Variants in UBN2 observed in about 807,000 individuals in gnomAD.
The protein encoded by UBN2 is ubinuclein-2.
A neutral mutation model predicts 120.2 loss-of-function variants in UBN2; 35 were observed. The ratio of observed to expected loss-of-function variants is 0.29; its 90% CI spans 0.22 to 0.39. The LOEUF is 0.39. Ranked by LOEUF, UBN2 falls within the 10% of genes least tolerant of loss-of-function variation. The pLI, the probability that UBN2 is intolerant of heterozygous loss-of-function variation, is 1.00. For missense variants in UBN2, 1,693 were observed against 1,663.2 expected (o/e 1.02, Z -0.31); for synonymous variants, 661 against 648.7 (o/e 1.02, Z -0.29).
At chr7:139,312,372 C>T (rs1798459630), downstream of UBN2, among the ~76,000 whole-genome samples, 1 of 152,198 alleles carries the variant, frequency 6.6e-6, no homozygotes, top group Admixed American at 6.5e-5. Context: ...TAGGGTGTTG[C>T]TTCTTACTGC....
chr7:139,269,427 C>T lies in UBN2; in HGVS notation c.1500C>T (p.Val500=). Residue 500 remains valine, a synonymous_variant, in exon 8 of 18, where the codon GTC becomes GTT. Transcript: ENST00000473989. ...IELQLQELGP[V]IRSGVYSHLE... ...TACAGCTACAAGAACTAGGCCCTGT[C>T]ATTCGCAGTGGTGTCTACTCCCACC... is the stretch of plus-strand genomic sequence containing the variant. 6.2e-7 allele frequency: 1 copy of T among 1,614,094 alleles called. No individual in the cohort carries two copies. Among genetic ancestry groups the T allele is most frequent in the Non-Finnish European group, 8.5e-7 (1 of 1,180,006 alleles).
chr7:139,310,592 G>T (rs1029466365), downstream of UBN2, among the ~76,000 whole-genome samples: 1 of 152,122 alleles, frequency 6.6e-6, no homozygotes, highest in Non-Finnish European at 1.5e-5. Flanking sequence ...CCAACATGGT[G>T]AAACCCCGTC....
chr7:139,261,438 A>G lies in UBN2; in HGVS notation c.1092A>G (p.Ala364=), dbSNP rs1275881338. ...SLNKPPCAAA[A]LGNDVPDLNL... is the part of the protein sequence containing the mutation. ...ATAAACCCCCATGTGCTGCTGCAGC[A>G]CTGGGGAATGACGTCCCGGACTTAA... Residue 364 remains alanine, a synonymous_variant, in exon 6 of 18, where the codon GCA becomes GCG. Transcript: ENST00000473989. 1 of 1,614,252 alleles carries G rather than the reference A, an allele frequency of 6.2e-7. No individual in the cohort carries two copies. The highest frequency in any genetic ancestry group is 1.7e-5 in the Admixed American group (1 of 60,036).
chr7:139,291,954 A>G (rs1297736913), intron 15 of UBN2, among the ~76,000 whole-genome samples: 1 of 152,198 alleles, frequency 6.6e-6, no homozygotes, highest in African/African-American at 2.4e-5. Context: ...TAAACTAGCT[A>G]TAGGAATGTA....
At chr7:139,259,617 T>A (rs1466486830) in intron 5 of UBN2, among the ~76,000 whole-genome samples, 2 of 152,204 alleles carry the variant, frequency 1.3e-5, no homozygotes, top group Middle Eastern at 3.2e-3. Context: ...AAGAACCAGT[T>A]TGAAAAGATA....
rs1304361421 is a variant in UBN2 at position 139,231,803 on chromosome 7, C to T, written c.319C>T (p.Pro107Ser). 3 of 1,427,812 alleles carry T rather than the reference C, an allele frequency of 2.1e-6. No homozygotes were observed. The highest frequency in any genetic ancestry group is 2.8e-5 in the South Asian group (2 of 71,062). The allele number at this position is 1,427,812 out of a possible 1,614,324, so 88.4% of individuals were successfully genotyped here. A position where few individuals can be genotyped will look rare whatever the true frequency, so the allele number is the denominator to read the frequency against. Residue 107 changes from proline (P) to serine (S), a missense_variant, in exon 1 of 18, where the codon CCC becomes TCC. Around this residue, in one of 5 missense-constraint regions of UBN2, gnomAD observed 663 missense variants for 591.2 expected, o/e 1.12. Transcript: ENST00000473989. ...PPFPPLPLQP[P>S]PPRESASRAE... ...GTTCCCGCCGCTGCCCTTGCAGCCG[C>T]CCCCGCCGCGGGAGTCGGCTTCCCG...
chr7:139,326,061 G>C, the UBN2 span, among the ~76,000 whole-genome samples: 1 of 148,008 alleles, frequency 6.8e-6, no homozygotes, highest in African/African-American at 2.6e-5. Flanking sequence ...TCGATGACCA[G>C]CCTGGTCAAC....
intron 1 of UBN2, among the ~76,000 whole-genome samples, chr7:139,233,936 A>G (rs1184351950): frequency 6.6e-6 from 1 of 152,090 alleles, no homozygotes; most frequent in African/African-American, 2.4e-5. Context: ...TATCTCGTAT[A>G]TCAACCTTCT....
chr7:139,238,999 G>C (rs940385912), intron 2 of UBN2, among the ~76,000 whole-genome samples: 3 of 152,052 alleles, frequency 2.0e-5, no homozygotes, highest in Non-Finnish European at 4.4e-5. Context: ...TTATACATTG[G>C]TTACACTTAA....
Position 139,284,026 on chromosome 7 carries a change from G to C in UBN2, c.3121G>C (p.Ala1041Pro). 6.2e-7 allele frequency: 1 copy of C among 1,613,904 alleles called. No homozygotes were observed. Among genetic ancestry groups the C allele is most frequent in the South Asian group, 1.1e-5 (1 of 91,052 alleles). ...GATGGCTGCCTCCCCAAAACTTGCC[G>C]CATCTCCCAAGCCTGCCACATCTCC... ...FSMAASPKLAASPKPATSPKP... is the reference protein window; with the variant it reads ...FSMAASPKLAPSPKPATSPKP... Residue 1041 changes from alanine to proline, a missense_variant, in exon 15 of 18, where the codon GCA becomes CCA. This residue lies in a region of UBN2 where 837 missense variants were observed against 817.6 expected (regional missense o/e 1.02). Coordinates refer to ENST00000473989, the MANE Select transcript of UBN2 (RefSeq NM_173569.4).
At chr7:139,310,859 C>T (rs1193080170), downstream of UBN2, among the ~76,000 whole-genome samples, 1 of 152,210 alleles carries the variant, frequency 6.6e-6, no homozygotes, top group Non-Finnish European at 1.5e-5. Flanking sequence ...CACATCAGCA[C>T]ATAGAGGTCT....
downstream of UBN2, among the ~76,000 whole-genome samples, chr7:139,310,599 C>T (rs958641790): frequency 3.3e-5 from 5 of 152,082 alleles, no homozygotes; most frequent in African/African-American, 7.2e-5. Context: ...GGTGAAACCC[C>T]GTCTCTACCA....
intron 16 of UBN2, 107 bp from the exon 17 acceptor site, chr7:139,293,782 T>C (rs751954559): frequency 9.7e-7 from 1 of 1,035,566 alleles, no homozygotes; most frequent in Non-Finnish European, 1.5e-6. Context: ...TAGAAGGCCT[T>C]CGAAGTCAGG....
the UBN2 span, among the ~76,000 whole-genome samples, chr7:139,328,230 C>G: frequency 6.6e-6 from 1 of 152,200 alleles, no homozygotes; most frequent in Admixed American, 6.5e-5. Flanking sequence ...AACTTACAAT[C>G]ATGATGGAAG....
chr7:139,289,126 G>A lies in UBN2; in HGVS notation c.3670-4106G>A, dbSNP rs549086781. 5.9e-5 allele frequency among the ~76,000 whole-genome samples: 9 copies of A among 152,146 alleles called. 1 individual carries two copies. In the South Asian group the frequency reaches 1.9e-3, roughly 32 times the overall value. On this transcript the variant is annotated intron_variant, in intron 15 of 17. Transcript: ENST00000473989. ...ATTTTTGATTATGGGGCATAATCTG[G>A]AACTATTTACCTGCTTCATGCTGAC... is the stretch of plus-strand genomic sequence containing the variant.
Position 139,297,851 on chromosome 7 carries a change from A to G in UBN2, c.*15A>G. The G allele has an allele frequency of 2.5e-6, 4 of 1,614,036 alleles. No individual in the cohort carries two copies. The highest frequency in any genetic ancestry group is 3.4e-6 in the Non-Finnish European group (4 of 1,179,922). ...AATCTCAGTGACTGCCCAGCAAGCAAAGGAGACGAAATGTTTAGTTGACTG... is the reference window on the plus strand; with the variant it reads ...AATCTCAGTGACTGCCCAGCAAGCAGAGGAGACGAAATGTTTAGTTGACTG... On this transcript the variant is annotated 3_prime_UTR_variant, in exon 18 of 18. Coordinates refer to ENST00000473989, the MANE Select transcript of UBN2 (RefSeq NM_173569.4).
chr7:139,260,839 T>G (rs1796910187), intron 5 of UBN2, among the ~76,000 whole-genome samples: 1 of 152,218 alleles, frequency 6.6e-6, no homozygotes, highest in South Asian at 2.1e-4. Flanking sequence ...TCAGCTAATA[T>G]TTATTAAGTA....
At chr7:139,273,467 TAAA>T in intron 10 of UBN2, 57 bp downstream of exon 10, 2 of 1,143,142 alleles carry the variant, frequency 1.7e-6, no homozygotes, top group Non-Finnish European at 2.4e-6. Context: ...GATTCCTCAT[TAAA>T]AAAAAATCTA....
Position 139,261,535 on chromosome 7 carries a change from GA to G in UBN2, c.1193del (p.Asn398MetfsTer3). On this transcript the variant is annotated frameshift_variant, in exon 6 of 18. Transcript: ENST00000473989. LOFTEE classifies it high-confidence loss of function. The stretch of plus-strand genomic sequence containing the variant: ...TGAACATGAGCTGTTTCAGGAAGCT[GA>G]AAATGCCCTAGAGATGCTAGATGAT... The part of the protein sequence containing the change: ...TNEHELFQEA[E>X]NALEMLDDFD... 6.2e-7 allele frequency: 1 copy of G among 1,614,194 alleles called. No individual in the cohort carries two copies. The highest frequency in any genetic ancestry group is 8.5e-7 in the Non-Finnish European group (1 of 1,180,038).
Sources: gnomAD v4.1 joint callset for allele counts (sites outside exome capture counted in the v4.1 genomes callset) on GRCh38, gnomAD v4.1.1 for gene constraint, gnomAD v4.1.1 regional missense constraint, MANE v1.5 for transcripts, NCBI Gene and HGNC (gene_info 2026-07-23, HGNC 2026-07-21) for gene names.